The following ATP9B variants were observed in gnomAD, a reference collection of about 807,000 sequenced individuals.
ATP9B encodes the protein probable phospholipid-transporting ATPase IIB.
Under a neutral mutation model 146.1 loss-of-function variants are expected in ATP9B, and 110 were observed. The observed-to-expected ratio is 0.75, with a 90% CI of 0.65 to 0.88. The LOEUF is 0.88. ATP9B is among the 40% of genes least tolerant of loss of function. The pLI, the probability that ATP9B is intolerant of heterozygous loss-of-function variation, is 0.00. For missense variants in ATP9B, 1,499 were observed against 1,496.4 expected (o/e 1.00, Z -0.03); for synonymous variants, 604 against 569.7 (o/e 1.06, Z -0.86).
At chr18:79,133,980 C>T (rs1328086630) in intron 5 of ATP9B, among the ~76,000 whole-genome samples, 2 of 152,218 alleles carry the variant, frequency 1.3e-5, no homozygotes, top group Non-Finnish European at 2.9e-5. Context: ...CTTTCCTTTG[C>T]GGTAGCACTC....
In ATP9B at chr18:79,359,430, C is replaced by T. The variant is rs761795607; in HGVS notation, c.2980C>T (p.Leu994Phe). Residue 994 changes from leucine (L) to phenylalanine (F), a missense_variant, in exon 26 of 30, where the codon CTC (leucine) becomes TTC (phenylalanine). Physicochemically the swap from Leu to Phe is conservative, Grantham distance 22. Coordinates refer to ENST00000426216, the MANE Select transcript of ATP9B (RefSeq NM_198531.5). Reference protein sequence around the residue: ...DQDVKPEMAMLYPELYKDLTK... With the variant: ...DQDVKPEMAMFYPELYKDLTK... ...GGACGTGAAGCCAGAGATGGCGATGCTCTACCCGGAGCTGTACAAGGACCT... is the reference window on the plus strand; with the variant it reads ...GGACGTGAAGCCAGAGATGGCGATGTTCTACCCGGAGCTGTACAAGGACCT... 3 of 1,614,028 alleles carry T rather than the reference C, an allele frequency of 1.9e-6. No homozygotes were observed. The highest frequency in any genetic ancestry group is 2.5e-6 in the Non-Finnish European group (3 of 1,179,912).
intron 11 of ATP9B, among the ~76,000 whole-genome samples, chr18:79,223,627 G>A (rs540994293): frequency 2.6e-5 from 4 of 152,198 alleles, no homozygotes; most frequent in African/African-American, 9.6e-5. Flanking sequence ...AACCCACCAT[G>A]ACATAATTCT....
At chr18:79,190,337 A>G (rs1465755011) in intron 8 of ATP9B, among the ~76,000 whole-genome samples, 5 of 152,194 alleles carry the variant, frequency 3.3e-5, no homozygotes, top group African/African-American at 1.2e-4. Flanking sequence ...TGTATCTTCA[A>G]GGTTTTTCAA....
At chr18:79,295,102 A>G (rs2096538128) in intron 13 of ATP9B, among the ~76,000 whole-genome samples, 2 of 24,640 alleles carry the variant, frequency 8.1e-5, no homozygotes, top group Admixed American at 4.6e-4. Context: ...ACACACATAC[A>G]CAGACACAGA....
intron 15 of ATP9B, among the ~76,000 whole-genome samples, chr18:79,321,254 G>A (rs1305665916): frequency 1.3e-5 from 2 of 152,216 alleles, no homozygotes; most frequent in African/African-American, 4.8e-5. Context: ...TTCCTTTGAT[G>A]TATCTTCAAT....
intron 5 of ATP9B, among the ~76,000 whole-genome samples, chr18:79,132,155 G>A (rs923751321): frequency 7.1e-5 from 10 of 141,010 alleles, no homozygotes; most frequent in African/African-American, 2.0e-4. Flanking sequence ...AAGACCTTCT[G>A]CTGTTACGTC....
At chr18:79,195,581 C>T (rs770092753) in intron 9 of ATP9B, among the ~76,000 whole-genome samples, 9 of 152,140 alleles carry the variant, frequency 5.9e-5, no homozygotes, top group Non-Finnish European at 1.2e-4. Context: ...TAGGAAAGAA[C>T]ACCATAAATC....
chr18:79,121,486 C>T (rs1207658822), intron 4 of ATP9B, among the ~76,000 whole-genome samples: 1 of 152,186 alleles, frequency 6.6e-6, no homozygotes, highest in Non-Finnish European at 1.5e-5. Context: ...TACTCCAGTC[C>T]TCCATAAACC....
At chr18:79,359,585 C>T (rs1383260091) in intron 26 of ATP9B, 123 bp downstream of exon 26, 4 of 738,482 alleles carry the variant, frequency 5.4e-6, no homozygotes, top group Non-Finnish European at 9.4e-6. Flanking sequence ...ATTCTCTGTC[C>T]TTGAAGATGT....
chr18:79,237,163 C>T (rs1204472747), intron 11 of ATP9B, among the ~76,000 whole-genome samples: 1 of 75,894 alleles, frequency 1.3e-5, no homozygotes, highest in Non-Finnish European at 2.6e-5. Context: ...CCTGCCCCTT[C>T]CCCCTTCCCC....
intron 1 of ATP9B, among the ~76,000 whole-genome samples, chr18:79,072,645 G>A (rs1028402034): frequency 8.5e-5 from 13 of 152,168 alleles, no homozygotes; most frequent in East Asian, 1.9e-4. Context: ...ATCATGGCCC[G>A]TTCTCAGTGA....
chr18:79,372,630 G>T, intron 26 of ATP9B, 195 bp from the exon 27 acceptor site: 1 of 674,242 alleles, frequency 1.5e-6, no homozygotes. Context: ...GACACGTGTG[G>T]GACCCAGGCA....
intron 10 of ATP9B, chr18:79,209,821 T>A: frequency 3.2e-6 from 1 of 309,660 alleles, no homozygotes; most frequent in Admixed American, 6.5e-5. Flanking sequence ...GCCTTGTTAA[T>A]GTGAACAGTT....
intron 9 of ATP9B, among the ~76,000 whole-genome samples, chr18:79,203,478 T>C (rs1222404709): frequency 6.6e-6 from 1 of 152,228 alleles, no homozygotes; most frequent in African/African-American, 2.4e-5. Flanking sequence ...GCATCATGCT[T>C]GTGGGCACTG....
At chr18:79,281,067 C>T (rs1413956311) in intron 13 of ATP9B, among the ~76,000 whole-genome samples, 2 of 151,872 alleles carry the variant, frequency 1.3e-5, no homozygotes, top group Non-Finnish European at 2.9e-5. Context: ...AAAATAAATT[C>T]AAGGAAAATA....
intron 19 of ATP9B, among the ~76,000 whole-genome samples, chr18:79,339,707 T>TGCAGTAGGAAGTGTGTCATGATC (rs1568747929): frequency 2.7e-5 from 4 of 147,118 alleles, no homozygotes; most frequent in Non-Finnish European, 6.0e-5. Flanking sequence ...GTATCATGAT[T>TGCAGTAGGAAGTGTGTCATGATC]GCAGTAGGAA....
At chr18:79,338,996 C>T (rs2096842028) in intron 19 of ATP9B, among the ~76,000 whole-genome samples, 1 of 152,204 alleles carries the variant, frequency 6.6e-6, no homozygotes, top group South Asian at 2.1e-4. Flanking sequence ...CATCTGTTTT[C>T]CTTGCTGTCT....
chr18:79,321,519 A>T (rs191884481), intron 15 of ATP9B, among the ~76,000 whole-genome samples: 2 of 152,204 alleles, frequency 1.3e-5, no homozygotes, highest in East Asian at 3.9e-4. Context: ...AATAGCTGGG[A>T]TTACAGGCAT....
chr18:79,330,238 C>A, intron 17 of ATP9B, 134 bp downstream of exon 17: 1 of 762,038 alleles, frequency 1.3e-6, no homozygotes, highest in Non-Finnish European at 2.2e-6. Flanking sequence ...CTTTCCCCAG[C>A]TTGCAGACAC....
Sources: allele counts gnomAD v4.1 joint callset (sites outside exome capture counted in the v4.1 genomes callset), GRCh38; gene constraint gnomAD v4.1.1; transcripts MANE v1.5; gene names NCBI Gene and HGNC (gene_info 2026-07-23, HGNC 2026-07-21).